The following CNTNAP2 variants were observed in gnomAD, a reference collection of about 807,000 sequenced individuals.
CNTNAP2 encodes contactin associated protein 2.
CNTNAP2 carries 98 observed loss-of-function variants against 155.2 expected under a neutral mutation model. The ratio of observed to expected loss-of-function variants is 0.63; its 90% CI spans 0.54 to 0.75. CNTNAP2 has a LOEUF of 0.75. CNTNAP2 is among the 30% of genes least tolerant of loss of function. CNTNAP2 has a pLI of 0.00. For missense variants in CNTNAP2, 1,727 were observed against 1,688.1 expected (o/e 1.02, Z -0.40); for synonymous variants, 651 against 631.2 (o/e 1.03, Z -0.47).
intron 1 of CNTNAP2, among the ~76,000 whole-genome samples, chr7:146,571,418 T>C (rs1204908935): frequency 1.3e-5 from 2 of 152,160 alleles, no homozygotes; most frequent in Non-Finnish European, 2.9e-5. Context: ...AGAGGTCAAC[T>C]TTAACGCCAC....
At chr7:146,756,856 G>T (rs143968352) in intron 1 of CNTNAP2, among the ~76,000 whole-genome samples, 14 of 151,980 alleles carry the variant, frequency 9.2e-5, no homozygotes, top group African/African-American at 2.7e-4. Flanking sequence ...ATTTTAAATA[G>T]TACTAAACAT....
At chr7:146,956,904 A>T (rs1797448717) in intron 3 of CNTNAP2, among the ~76,000 whole-genome samples, 1 of 152,180 alleles carries the variant, frequency 6.6e-6, no homozygotes, top group Admixed American at 6.5e-5. Flanking sequence ...CTGTATTCCC[A>T]TTAAGAGAAA....
chr7:146,622,614 C>T, intron 1 of CNTNAP2, among the ~76,000 whole-genome samples: 1 of 152,082 alleles, frequency 6.6e-6, no homozygotes, highest in East Asian at 1.9e-4. Flanking sequence ...GTCAATCATT[C>T]TAACCTTCTC....
chr7:147,180,063 G>A (rs1012534487), intron 8 of CNTNAP2, among the ~76,000 whole-genome samples: 1 of 152,130 alleles, frequency 6.6e-6, no homozygotes, highest in Non-Finnish European at 1.5e-5. Context: ...GAATACCCAG[G>A]AACAGGCCTG....
chr7:147,639,450 T>C (rs1795239558), intron 13 of CNTNAP2, 144 bp downstream of exon 13: 2 of 799,440 alleles, frequency 2.5e-6, no homozygotes, highest in South Asian at 3.0e-5. Flanking sequence ...ATAAAATCAT[T>C]GGGCTTGTTT....
chr7:147,975,824 C>T (rs980413826), intron 14 of CNTNAP2, among the ~76,000 whole-genome samples: 1 of 152,266 alleles, frequency 6.6e-6, no homozygotes, highest in African/African-American at 2.4e-5. Context: ...TTGAGTTACA[C>T]AACAGTTGCC....
intron 1 of CNTNAP2, among the ~76,000 whole-genome samples, chr7:146,647,011 A>G (rs530227940): frequency 1.5e-4 from 23 of 152,318 alleles, no homozygotes; most frequent in Middle Eastern, 3.4e-3. Flanking sequence ...GCAGGGCACA[A>G]TATCAATGGT....
intron 8 of CNTNAP2, among the ~76,000 whole-genome samples, chr7:147,225,263 C>T (rs960181193): frequency 6.6e-6 from 1 of 152,158 alleles, no homozygotes; most frequent in Non-Finnish European, 1.5e-5. Flanking sequence ...GAGAACTTCA[C>T]AAATGTTCTG....
chr7:147,417,410 C>T (rs1797213386), intron 10 of CNTNAP2, among the ~76,000 whole-genome samples: 1 of 152,104 alleles, frequency 6.6e-6, no homozygotes. Flanking sequence ...CAAAGGAGCT[C>T]TCTGGAATTT....
chr7:146,147,840 G>A (rs974434785), intron 1 of CNTNAP2, among the ~76,000 whole-genome samples: 1 of 152,090 alleles, frequency 6.6e-6, no homozygotes, highest in Non-Finnish European at 1.5e-5. Context: ...GTTAAATATT[G>A]ATAGTGATTT....
intron 18 of CNTNAP2, among the ~76,000 whole-genome samples, chr7:148,183,857 A>C (rs1259510935): frequency 6.6e-6 from 1 of 152,204 alleles, no homozygotes; most frequent in Non-Finnish European, 1.5e-5. Context: ...TAGGAGTTAG[A>C]TTAGCTTAAC....
At chr7:146,747,266 G>A (rs755261346) in intron 1 of CNTNAP2, among the ~76,000 whole-genome samples, 1 of 152,134 alleles carries the variant, frequency 6.6e-6, no homozygotes, top group African/African-American at 2.4e-5. Flanking sequence ...GCACAAGGCA[G>A]ACATTTTGAT....
intron 4 of CNTNAP2, among the ~76,000 whole-genome samples, chr7:147,044,967 G>T (rs2129255726): frequency 6.6e-6 from 1 of 152,218 alleles, no homozygotes. Context: ...ACACAGAACT[G>T]CTTTCAAGAT....
At chr7:147,332,090 A>G (rs1191518568) in intron 9 of CNTNAP2, among the ~76,000 whole-genome samples, 1 of 152,232 alleles carries the variant, frequency 6.6e-6, no homozygotes, top group Non-Finnish European at 1.5e-5. Context: ...ATTTGCTTCA[A>G]GGTAAATAAG....
chr7:147,528,041 C>T (rs1646676551), intron 11 of CNTNAP2, among the ~76,000 whole-genome samples: 1 of 152,192 alleles, frequency 6.6e-6, no homozygotes, highest in Non-Finnish European at 1.5e-5. Context: ...TCACTGACTC[C>T]TGTCCTGTGT....
chr7:147,712,992 T>C (rs1033587919), intron 13 of CNTNAP2, among the ~76,000 whole-genome samples: 1 of 152,182 alleles, frequency 6.6e-6, no homozygotes, highest in African/African-American at 2.4e-5. Context: ...CATTAGTCAG[T>C]GATTTCTTTA....
chr7:147,462,446 CA>C (rs1798041239), intron 10 of CNTNAP2, among the ~76,000 whole-genome samples: 1 of 152,236 alleles, frequency 6.6e-6, no homozygotes, highest in African/African-American at 2.4e-5. Flanking sequence ...GAAAGCATTT[CA>C]TTTTCCAGCC....
intron 21 of CNTNAP2, among the ~76,000 whole-genome samples, chr7:148,302,971 A>G (rs1797421635): frequency 1.3e-5 from 2 of 151,400 alleles, no homozygotes; most frequent in Admixed American, 6.6e-5. Flanking sequence ...GGCGCCTACT[A>G]CTGTGTCTGG....
chr7:148,062,007 AT>A (rs754650818), intron 15 of CNTNAP2, among the ~76,000 whole-genome samples: 5,938 of 78,028 alleles, frequency 0.076, 341 homozygotes, highest in African/African-American at 0.11. Flanking sequence ...AGATAGATAG[AT>A]GATAGAGAGA....
Sources: gnomAD v4.1 joint callset for allele counts (sites outside exome capture counted in the v4.1 genomes callset) on GRCh38, gnomAD v4.1.1 for gene constraint, MANE v1.5 for transcripts, NCBI Gene and HGNC (gene_info 2026-07-23, HGNC 2026-07-21) for gene names.